The following LINC00632 variants were observed in gnomAD, a reference collection of about 807,000 sequenced individuals.
The protein encoded by LINC00632 is long independently transcribed non-coding RNA 632, also known as ALDOA related specific transcript.
chrX:140,771,299 T>C (rs1374849769), intron 3 of LINC00632, among the ~76,000 whole-genome samples: 3 of 98,279 alleles, frequency 3.1e-5, no homozygotes. Context: ...CGAAAGTAAA[T>C]GACATGCTCG....
intron 3 of LINC00632, among the ~76,000 whole-genome samples, chrX:140,766,152 AG>A (rs1399589034): frequency 9.0e-6 from 1 of 111,704 alleles, no homozygotes; most frequent in African/African-American, 3.3e-5. Context: ...GGGTCACGGC[AG>A]ATCCCCTTAG....
At chrX:140,748,880 A>AAAT (rs1556024934) in intron 3 of LINC00632, among the ~76,000 whole-genome samples, 94 of 103,677 alleles carry the variant, frequency 9.1e-4, no homozygotes, top group African/African-American at 3.1e-3. Flanking sequence ...TGTATATAAA[A>AAAT]ATATATAAAA....
intron 3 of LINC00632, among the ~76,000 whole-genome samples, chrX:140,742,360 T>G (rs191230799): frequency 1.1e-4 from 12 of 111,525 alleles, no homozygotes; most frequent in Non-Finnish European, 3.8e-5. Flanking sequence ...TTGGGATTTC[T>G]ATGAGAGAGG....
chrX:140,769,592 A>G (rs777523106), intron 3 of LINC00632, among the ~76,000 whole-genome samples: 10 of 110,637 alleles, frequency 9.0e-5, no homozygotes, highest in African/African-American at 3.3e-4. Context: ...GCAAACATAA[A>G]CCCTTTCGTT....
At chrX:140,730,794 CTCAG>C (rs1226683405) in intron 2 of LINC00632, among the ~76,000 whole-genome samples, 7 of 111,890 alleles carry the variant, frequency 6.3e-5, no homozygotes, top group Non-Finnish European at 1.3e-4. Context: ...AAGGGACAAA[CTCAG>C]TCAGTTACAT....
At chrX:140,718,643 T>C (rs768231501) in intron 2 of LINC00632, among the ~76,000 whole-genome samples, 27 of 111,405 alleles carry the variant, frequency 2.4e-4, no homozygotes, top group African/African-American at 8.5e-4. Flanking sequence ...ACTCCTGACC[T>C]CAGGTGATCC....
At chrX:140,739,653 CTTAT>C (rs1931195288) in intron 3 of LINC00632, among the ~76,000 whole-genome samples, 2 of 111,255 alleles carry the variant, frequency 1.8e-5, no homozygotes, top group African/African-American at 3.3e-5. Flanking sequence ...CTCTTTTAGA[CTTAT>C]TTAGATATAT....
intron 3 of LINC00632, among the ~76,000 whole-genome samples, chrX:140,769,582 G>A (rs187329411): frequency 9.2e-6 from 1 of 109,247 alleles, no homozygotes; most frequent in African/African-American, 3.3e-5. Context: ...TTTATTCACT[G>A]CAAACATAAA....
chrX:140,766,560 T>C lies in LINC00632; in HGVS notation n.192-5518T>C, dbSNP rs973179571. Among the ~76,000 whole-genome samples, 5 of 112,128 alleles carry C rather than the reference T, an allele frequency of 4.5e-5. No individual in the cohort carries two copies. In the South Asian group the frequency reaches 1.8e-3, roughly 41 times the overall value. Reference sequence around the variant, plus strand: ...TACTTAAATTTTCAAATGAAGAAAGTTGATTTGTGAATTTATATTACTCAT... The same window carrying C: ...TACTTAAATTTTCAAATGAAGAAAGCTGATTTGTGAATTTATATTACTCAT... On this transcript the variant is annotated intron_variant and non_coding_transcript_variant, in intron 3 of 4. Transcript: ENST00000648200.
intron 3 of LINC00632, among the ~76,000 whole-genome samples, chrX:140,740,324 G>C (rs772777377): frequency 4.5e-5 from 5 of 111,747 alleles, no homozygotes; most frequent in Non-Finnish European, 9.4e-5. Flanking sequence ...CTTGACTGAA[G>C]GGTCTAAGAA....
At chrX:140,741,358 G>T (rs1931222839) in intron 3 of LINC00632, among the ~76,000 whole-genome samples, 1 of 112,110 alleles carries the variant, frequency 8.9e-6, no homozygotes, top group South Asian at 3.7e-4. Context: ...CTAGAGCCAG[G>T]AAATCATGCC....
At chrX:140,718,681 G>C (rs1263498338) in intron 2 of LINC00632, among the ~76,000 whole-genome samples, 1 of 111,382 alleles carries the variant, frequency 9.0e-6, no homozygotes, top group Non-Finnish European at 1.9e-5. Flanking sequence ...AAAGTGCTGG[G>C]ATTACAGGCA....
chrX:140,717,749 G>A (rs1263933737), intron 2 of LINC00632, among the ~76,000 whole-genome samples: 3 of 111,370 alleles, frequency 2.7e-5, no homozygotes, highest in Non-Finnish European at 3.8e-5. Context: ...GTGTGACCTC[G>A]GAAAGGTTTC....
intron 2 of LINC00632, among the ~76,000 whole-genome samples, chrX:140,719,556 A>T (rs1479284713): frequency 9.3e-6 from 1 of 107,408 alleles, no homozygotes; most frequent in Non-Finnish European, 1.9e-5. Context: ...TCGGCCTCCC[A>T]AAGTGCTGGA....
At position 140,783,827 on chromosome X, in the gene LINC00632, C is replaced by T. The variant is rs758843203; in HGVS notation, n.11846C>T. The T allele has an allele frequency of 2.5e-6, 3 of 1,210,807 alleles. No homozygotes were observed. In the South Asian group the frequency reaches 5.3e-5, roughly 21 times the overall value. Reference sequence around the variant, plus strand: ...TCCATGTCTTCCAGAAAATCCATGTCTTCCAGTAACCTCCCAGTCTTCCAG... The same window carrying T: ...TCCATGTCTTCCAGAAAATCCATGTTTTCCAGTAACCTCCCAGTCTTCCAG... On this transcript the variant is annotated non_coding_transcript_exon_variant, in exon 5 of 5. Coordinates refer to ENST00000648200, the Ensembl canonical transcript of LINC00632.
chrX:140,769,182 AGAG>A (rs1569355736), intron 3 of LINC00632, among the ~76,000 whole-genome samples: 1 of 111,597 alleles, frequency 9.0e-6, no homozygotes, highest in Non-Finnish European at 1.9e-5. Flanking sequence ...ACAACACAGC[AGAG>A]GTACTGTTTG....
chrX:140,742,871 GA>G (rs1569351768), intron 3 of LINC00632, among the ~76,000 whole-genome samples: 960 of 95,584 alleles, frequency 0.01, 20 homozygotes, highest in African/African-American at 0.036. Flanking sequence ...GAGAGAGAGA[GA>G]GAGAGAGGAA....
intron 3 of LINC00632, among the ~76,000 whole-genome samples, chrX:140,748,787 T>TATATATTTTATATATG (rs1166129607): frequency 1.9e-5 from 2 of 105,968 alleles, no homozygotes; most frequent in Non-Finnish European, 3.8e-5. Context: ...AAATATGATA[T>TATATATTTTATATATG]ATATATTTTA....
exon 5 of LINC00632, among the ~76,000 whole-genome samples, chrX:140,790,312 AACTT>A (rs1012253550): frequency 5.4e-5 from 6 of 110,926 alleles, no homozygotes; most frequent in African/African-American, 1.6e-4. Flanking sequence ...AGTTTTTTTC[AACTT>A]ACTTATTCAA....
Sources: allele counts gnomAD v4.1 joint callset (sites outside exome capture counted in the v4.1 genomes callset), GRCh38; gene constraint gnomAD v4.1.1; transcripts MANE v1.5; gene names NCBI Gene and HGNC (gene_info 2026-07-23, HGNC 2026-07-21).